Variants in AK8 observed in about 807,000 individuals in gnomAD.
AK8 encodes the protein adenylate kinase 8, also known as ATP-AMP transphosphorylase 8.
In AK8, 44 loss-of-function variants were observed where a neutral mutation model predicts 54.6. That is an observed-to-expected ratio of 0.81 (90% CI 0.63 to 1.04). AK8 has a LOEUF of 1.04. Among genes scored for constraint, AK8 ranks in the 50% least tolerant of loss-of-function variants. AK8 has a pLI of 0.00. For synonymous variants in AK8, 239 were observed against 245.6 expected (o/e 0.97, Z 0.25); for missense variants, 555 against 613.6 (o/e 0.90, Z 1.01).
At chr9:132,854,422 G>T (rs1843097522) in intron 5 of AK8, among the ~76,000 whole-genome samples, 1 of 152,100 alleles carries the variant, frequency 6.6e-6, no homozygotes, top group Admixed American at 6.5e-5. Context: ...GGCCTCAGTG[G>T]ACTGCTCACC....
chr9:132,825,083 A>G (rs1466078044), intron 8 of AK8, among the ~76,000 whole-genome samples: 4 of 152,190 alleles, frequency 2.6e-5, no homozygotes. Context: ...GACCTTCCAT[A>G]ATCCCGTGCA....
At chr9:132,749,369 G>A (rs1427085992) in intron 11 of AK8, among the ~76,000 whole-genome samples, 1 of 151,890 alleles carries the variant, frequency 6.6e-6, no homozygotes, top group East Asian at 1.9e-4. Context: ...TGGACGCTCT[G>A]GCCTGCCATA....
At chr9:132,871,548 C>T (rs1379247897) in intron 2 of AK8, among the ~76,000 whole-genome samples, 1 of 152,236 alleles carries the variant, frequency 6.6e-6, no homozygotes, top group African/African-American at 2.4e-5. Context: ...AGTGACTCGA[C>T]TCCCTGAGAG....
intron 11 of AK8, among the ~76,000 whole-genome samples, chr9:132,750,195 TG>T (rs1445808000): frequency 6.6e-6 from 1 of 151,894 alleles, no homozygotes; most frequent in Non-Finnish European, 1.5e-5. Context: ...CTCGGCTCAC[TG>T]CAACCTCCGC....
chr9:132,804,079 C>G (rs1350193105), intron 10 of AK8, among the ~76,000 whole-genome samples: 1 of 144,338 alleles, frequency 6.9e-6, no homozygotes, highest in Non-Finnish European at 1.5e-5. Flanking sequence ...GCGATCCAGC[C>G]TGGGGACAGA....
intron 11 of AK8, among the ~76,000 whole-genome samples, chr9:132,740,736 C>T (rs1012519639): frequency 1.8e-4 from 28 of 152,316 alleles, no homozygotes; most frequent in Admixed American, 1.4e-3. Context: ...TCTGGGGCTG[C>T]ATCCCTCACC....
At chr9:132,796,313 C>G (rs1840171201) in intron 10 of AK8, among the ~76,000 whole-genome samples, 1 of 152,292 alleles carries the variant, frequency 6.6e-6, no homozygotes. Flanking sequence ...AAATGGAAGG[C>G]CAGATAGAAA....
chr9:132,750,141 T>C (rs1490090010), intron 11 of AK8, among the ~76,000 whole-genome samples: 1 of 151,852 alleles, frequency 6.6e-6, no homozygotes, highest in African/African-American at 2.4e-5. Flanking sequence ...CCTTCACCTC[T>C]TCTCATGGGC....
chr9:132,824,585 G>C (rs1264792537), intron 8 of AK8, among the ~76,000 whole-genome samples: 1 of 152,214 alleles, frequency 6.6e-6, no homozygotes, highest in East Asian at 1.9e-4. Context: ...CTACCCACTA[G>C]GTGCCTGCAG....
intron 11 of AK8, among the ~76,000 whole-genome samples, chr9:132,779,947 TG>T (rs1185263343): frequency 6.6e-6 from 1 of 152,204 alleles, no homozygotes; most frequent in Non-Finnish European, 1.5e-5. Flanking sequence ...CCTCCTTTAC[TG>T]GGCTGTTGAA....
At chr9:132,738,146 C>T (rs917969110) in intron 11 of AK8, among the ~76,000 whole-genome samples, 6 of 152,072 alleles carry the variant, frequency 3.9e-5, no homozygotes, top group Admixed American at 6.6e-5. Context: ...CTCCGCCTCC[C>T]GGGTTCAAGT....
Position 132,823,567 on chromosome 9 carries a change from C to T in AK8, c.758-231G>A, listed in dbSNP as rs544646180. Among the ~76,000 whole-genome samples the T allele has an allele frequency of 1.9e-4, 29 of 152,348 alleles. 1 individual carries two copies. The South Asian group carries it at 2.3e-3, about 12-fold the overall frequency. ...GTCCACAGAAGCCACCCTGGAGCGCCGCCCTGGATTCCTCTCAACACAGGC... is the reference window on the plus strand; with the variant it reads ...GTCCACAGAAGCCACCCTGGAGCGCTGCCCTGGATTCCTCTCAACACAGGC... On this transcript the variant is annotated intron_variant, in intron 8 of 12. Transcript: ENST00000298545.
chr9:132,732,053 TAGTGTACCTGAGTGTTTATGCTC>T (rs1836868523), intron 11 of AK8, among the ~76,000 whole-genome samples: 1 of 152,202 alleles, frequency 6.6e-6, no homozygotes, highest in African/African-American at 2.4e-5. Context: ...TGATAGTTAT[TAGTGTACCTGAGTGTTTATGCTC>T]AGTGTACCTG....
chr9:132,750,187 C>A lies in AK8; in HGVS notation c.1122-22653G>T, dbSNP rs368825899. ...AGGCTGGAGTGCAATGGTGCGATCT[C>A]GGCTCACTGCAACCTCCGCCTCCTG... On this transcript the variant is annotated intron_variant, in intron 11 of 12. Coordinates refer to ENST00000298545, the MANE Select transcript of AK8 (RefSeq NM_152572.3). Among the ~76,000 whole-genome samples the A allele has an allele frequency of 4.0e-5, 6 of 151,860 alleles. 1 individual carries two copies. The highest frequency in any genetic ancestry group is 8.8e-5 in the Non-Finnish European group (6 of 67,868).
At chr9:132,873,940 A>G (rs1843971162) in intron 2 of AK8, among the ~76,000 whole-genome samples, 1 of 152,158 alleles carries the variant, frequency 6.6e-6, no homozygotes, top group African/African-American at 2.4e-5. Flanking sequence ...GGAGGTCTCT[A>G]AGAGTCGCTG....
At chr9:132,788,617 T>C (rs1839814768) in intron 11 of AK8, among the ~76,000 whole-genome samples, 1 of 152,194 alleles carries the variant, frequency 6.6e-6, no homozygotes, top group Admixed American at 6.5e-5. Context: ...ATTATGTTAA[T>C]ATATTTAAAG....
chr9:132,767,031 A>G (rs1267870867), intron 11 of AK8, among the ~76,000 whole-genome samples: 1 of 152,224 alleles, frequency 6.6e-6, no homozygotes, highest in Non-Finnish European at 1.5e-5. Context: ...AAAACTACTA[A>G]AAGAAAACAT....
chr9:132,783,723 A>T (rs751298758), intron 11 of AK8, among the ~76,000 whole-genome samples: 4 of 152,196 alleles, frequency 2.6e-5, no homozygotes, highest in Admixed American at 6.5e-5. Context: ...AAGTGAAAGA[A>T]AAGATGATGA....
At chr9:132,776,382 G>A (rs1839219128) in intron 11 of AK8, among the ~76,000 whole-genome samples, 1 of 152,218 alleles carries the variant, frequency 6.6e-6, no homozygotes, top group Admixed American at 6.5e-5. Flanking sequence ...CCGCCCACAG[G>A]GTAGCACTCG....
Sources: gnomAD v4.1 joint callset for allele counts (sites outside exome capture counted in the v4.1 genomes callset) on GRCh38, gnomAD v4.1.1 for gene constraint, MANE v1.5 for transcripts, NCBI Gene and HGNC (gene_info 2026-07-23, HGNC 2026-07-21) for gene names.